The following EIF2AK2 variants were observed in gnomAD, a reference collection of about 807,000 sequenced individuals.
EIF2AK2 encodes the protein interferon-induced, double-stranded RNA-activated protein kinase.
In EIF2AK2, 40 loss-of-function variants were observed where a neutral mutation model predicts 70.5. That is an observed-to-expected ratio of 0.57 (90% CI 0.44 to 0.74). The LOEUF (loss-of-function observed/expected upper bound fraction) is 0.74, where lower values mean the gene tolerates loss of function less well. EIF2AK2 is among the 30% of genes least tolerant of loss of function. The pLI, the probability that EIF2AK2 is intolerant of heterozygous loss-of-function variation, is 0.00. For synonymous variants in EIF2AK2, 198 were observed against 220.9 expected (o/e 0.90, Z 0.92); for missense variants, 555 against 644.3 (o/e 0.86, Z 1.50).
rs192613295 is a variant in EIF2AK2, at chr2:37,145,432, C to T, written c.240+1421G>A. On this transcript the variant is annotated intron_variant, in intron 4 of 16. Transcript: ENST00000233057. ...TGCCAGGATTACAGGCATGAGCCAC[C>T]GCGCCTGGCCGCGTTTGTGTTTTAG... 7.2e-3 allele frequency among the ~76,000 whole-genome samples: 1,100 copies of T among 152,144 alleles called. 8 individuals carry two copies. Among genetic ancestry groups the T allele is most frequent in the Non-Finnish European group, 0.011 (715 of 68,022 alleles).
intron 1 of EIF2AK2, among the ~76,000 whole-genome samples, chr2:37,150,120 A>C (rs1675691269): frequency 6.7e-6 from 1 of 149,708 alleles, no homozygotes; most frequent in African/African-American, 2.4e-5. Context: ...AAAGATAAAT[A>C]TGTCCCAGAG....
At chr2:37,149,326 GC>G in intron 1 of EIF2AK2, 2 of 821,632 alleles carry the variant, frequency 2.4e-6, no homozygotes. Context: ...AAACTATGGG[GC>G]CTTTAAAGGT....
At chr2:37,136,766 G>T in intron 9 of EIF2AK2, 1 of 356,552 alleles carries the variant, frequency 2.8e-6, no homozygotes, top group Non-Finnish European at 5.2e-6. Flanking sequence ...TTACTCTAGC[G>T]ATACCCCCAA....
At chr2:37,154,792 C>T (rs1312380689) in intron 1 of EIF2AK2, among the ~76,000 whole-genome samples, 1 of 152,124 alleles carries the variant, frequency 6.6e-6, no homozygotes, top group East Asian at 1.9e-4. Flanking sequence ...AAACTCCTGA[C>T]CTCAGGTGAT....
intron 1 of EIF2AK2, among the ~76,000 whole-genome samples, chr2:37,153,083 G>A (rs558455809): frequency 6.6e-5 from 10 of 152,010 alleles, no homozygotes; most frequent in South Asian, 2.1e-4. Context: ...AACCAGTTCC[G>A]ACAGCTACTT....
chr2:37,147,861 G>T, intron 2 of EIF2AK2, 39 bp from the exon 3 acceptor site: 1 of 1,408,566 alleles, frequency 7.1e-7, no homozygotes, highest in Non-Finnish European at 1.0e-6. Context: ...GATGCTCACA[G>T]AACATATTTA....
intron 14 of EIF2AK2, among the ~76,000 whole-genome samples, chr2:37,112,293 GACC>G (rs1241544954): frequency 5.3e-5 from 8 of 152,134 alleles, no homozygotes; most frequent in Admixed American, 1.3e-4. Flanking sequence ...GCAAGAAATA[GACC>G]CTTGGTATTT....
intron 4 of EIF2AK2, among the ~76,000 whole-genome samples, chr2:37,144,183 C>T (rs148583384): frequency 1.1e-3 from 164 of 152,276 alleles, no homozygotes; most frequent in Admixed American, 2.9e-3. Context: ...CAGCACAATG[C>T]ATTACTCACA....
chr2:37,121,549 A>G (rs1674551133), intron 12 of EIF2AK2, among the ~76,000 whole-genome samples: 2 of 152,014 alleles, frequency 1.3e-5, no homozygotes. Flanking sequence ...AAGCAAACCT[A>G]AAACAATAGG....
chr2:37,129,200 C>G (rs1674855029), intron 10 of EIF2AK2, among the ~76,000 whole-genome samples: 1 of 151,936 alleles, frequency 6.6e-6, no homozygotes, highest in South Asian at 2.1e-4. Context: ...TTTAAAATAC[C>G]AGATGCTTGC....
intron 10 of EIF2AK2, among the ~76,000 whole-genome samples, chr2:37,127,291 C>A (rs1332098182): frequency 6.6e-6 from 1 of 152,130 alleles, no homozygotes; most frequent in African/African-American, 2.4e-5. Flanking sequence ...TAACTGGATC[C>A]CCACTTCCTC....
In EIF2AK2 at chr2:37,126,318, G is replaced by A. The variant is rs757581996; in HGVS notation, c.879C>T (p.Tyr293=). 22 of 1,609,816 alleles carry A rather than the reference G, an allele frequency of 1.4e-5. No homozygotes were observed. Among genetic ancestry groups the A allele is most frequent in the African/African-American group, 2.7e-5 (2 of 74,638 alleles). Residue 293 remains tyrosine (Y), a synonymous_variant, in exon 11 of 17, where the codon TAC becomes TAT. Transcript: ENST00000233057. ...TATTATATTTAACACGTTTAATAAC[G>A]TAAGTCTTTCCGTCAATTCTGTGTT... is the stretch of plus-strand genomic sequence containing the variant. ...KAKHRIDGKT[Y]VIKRVKYNNE... is the part of the protein sequence containing the mutation.
chr2:37,138,926 G>C (rs1298335542), intron 6 of EIF2AK2, among the ~76,000 whole-genome samples: 10 of 151,510 alleles, frequency 6.6e-5, no homozygotes. Flanking sequence ...CTCCTGAGTA[G>C]CTAGGACTAC....
intron 4 of EIF2AK2, among the ~76,000 whole-genome samples, chr2:37,144,673 T>G (rs1031151871): frequency 2.0e-5 from 3 of 151,150 alleles, no homozygotes; most frequent in Non-Finnish European, 2.9e-5. Context: ...AGCCCTGACC[T>G]CTCAGGCACG....
At chr2:37,119,598 T>TAA (rs936558900) in intron 13 of EIF2AK2, among the ~76,000 whole-genome samples, 7 of 150,726 alleles carry the variant, frequency 4.6e-5, no homozygotes, top group Admixed American at 6.6e-5. Context: ...TATATATATA[T>TAA]AATTTTTTTT....
At chr2:37,140,458 A>C (rs774922779) in intron 5 of EIF2AK2, among the ~76,000 whole-genome samples, 7 of 152,224 alleles carry the variant, frequency 4.6e-5, no homozygotes, top group Middle Eastern at 3.4e-3. Flanking sequence ...CAGTATTTGA[A>C]CTCCTTTTGC....
chr2:37,156,481 G>C (rs1049326535), intron 1 of EIF2AK2, among the ~76,000 whole-genome samples: 4 of 152,112 alleles, frequency 2.6e-5, no homozygotes, highest in Non-Finnish European at 4.4e-5. Context: ...AACTCTCCAC[G>C]GAAGAGATTT....
chr2:37,142,226 G>C (rs1675359243), intron 4 of EIF2AK2, among the ~76,000 whole-genome samples: 1 of 152,072 alleles, frequency 6.6e-6, no homozygotes. Context: ...GACCTCCTGG[G>C]TTCAAACCAT....
At chr2:37,146,808 G>A in intron 4 of EIF2AK2, 45 bp downstream of exon 4, 1 of 1,581,868 alleles carries the variant, frequency 6.3e-7, no homozygotes, top group South Asian at 1.1e-5. Flanking sequence ...AACAGAAAAT[G>A]TATTTGCAAG....
Sources: allele counts gnomAD v4.1 joint callset (sites outside exome capture counted in the v4.1 genomes callset), GRCh38; gene constraint gnomAD v4.1.1; transcripts MANE v1.5; gene names NCBI Gene and HGNC (gene_info 2026-07-23, HGNC 2026-07-21).